Variants in EXOC4 observed in about 807,000 individuals in gnomAD.
The protein encoded by EXOC4 is exocyst complex component 4, also known as SEC8-like 1.
EXOC4 carries 71 observed loss-of-function variants against 107.2 expected under a neutral mutation model. The observed-to-expected ratio is 0.66, with a 90% confidence interval of 0.55 to 0.81. The LOEUF is 0.81. Ranked by LOEUF, EXOC4 falls within the 30% of genes least tolerant of loss-of-function variation. EXOC4 has a pLI of 0.00. For synonymous variants in EXOC4, 456 were observed against 441.2 expected (o/e 1.03, Z -0.42); for missense variants, 1,108 against 1,189.6 (o/e 0.93, Z 1.01).
At chr7:133,472,318 A>T (rs1298467483) in intron 7 of EXOC4, among the ~76,000 whole-genome samples, 2 of 152,210 alleles carry the variant, frequency 1.3e-5, no homozygotes, top group Non-Finnish European at 2.9e-5. Context: ...GGTGGCTGTC[A>T]AAATGGACAG....
intron 10 of EXOC4, among the ~76,000 whole-genome samples, chr7:133,711,556 G>A (rs1794893704): frequency 6.6e-6 from 1 of 152,184 alleles, no homozygotes; most frequent in Non-Finnish European, 1.5e-5. Flanking sequence ...GGGGAACTCA[G>A]ACTCTGTCAA....
At chr7:133,445,973 A>C (rs1798211184) in intron 7 of EXOC4, among the ~76,000 whole-genome samples, 1 of 151,638 alleles carries the variant, frequency 6.6e-6, no homozygotes, top group South Asian at 2.1e-4. Flanking sequence ...CCGAGATTAT[A>C]ATACTGCACT....
chr7:133,724,351 A>T (rs1795171554), intron 10 of EXOC4, among the ~76,000 whole-genome samples: 1 of 152,232 alleles, frequency 6.6e-6, no homozygotes, highest in African/African-American at 2.4e-5. Flanking sequence ...AGTGCAGCAA[A>T]GGCACATTCT....
chr7:133,539,714 G>C (rs996988177), intron 9 of EXOC4, among the ~76,000 whole-genome samples: 52 of 151,986 alleles, frequency 3.4e-4, no homozygotes, highest in African/African-American at 1.2e-3. Flanking sequence ...TTTAAGTATA[G>C]GAAAGGAAAT....
chr7:133,277,960 C>T (rs899199016), intron 2 of EXOC4, among the ~76,000 whole-genome samples: 11 of 152,076 alleles, frequency 7.2e-5, no homozygotes, highest in South Asian at 4.1e-4. Flanking sequence ...GATTCAGTAA[C>T]GATTGGGCTA....
rs565868082 is a variant in EXOC4 at position 133,645,177 on chromosome 7, C to T, written c.1514+15036C>T. ...CATGATCTCGGCTCACTGCAACCTC[C>T]GCCTCCCGGGTTCAAGTGATTCTCC... On this transcript the variant is annotated intron_variant, in intron 10 of 17. Transcript: ENST00000253861. Among the ~76,000 whole-genome samples, 133 of 151,364 alleles carry T rather than the reference C, an allele frequency of 8.8e-4. 3 individuals carry two copies. In the South Asian group the frequency reaches 0.025, roughly 28 times the overall value.
chr7:134,032,250 A>C (rs1795287214), intron 17 of EXOC4, among the ~76,000 whole-genome samples: 1 of 152,222 alleles, frequency 6.6e-6, no homozygotes, highest in Non-Finnish European at 1.5e-5. Flanking sequence ...ATTACACTAA[A>C]GCATTCAGTG....
chr7:133,854,981 A>G (rs1010742875), intron 11 of EXOC4, among the ~76,000 whole-genome samples: 1 of 145,432 alleles, frequency 6.9e-6, no homozygotes, highest in East Asian at 2.0e-4. Context: ...GCTGCCCTCT[A>G]GCTGATTATT....
At chr7:133,941,749 A>G (rs1800432826) in intron 14 of EXOC4, among the ~76,000 whole-genome samples, 2 of 151,864 alleles carry the variant, frequency 1.3e-5, no homozygotes, top group Admixed American at 6.6e-5. Context: ...CAGCAGATAA[A>G]TCAAAGGACT....
chr7:133,387,591 G>T (rs1477797083), intron 7 of EXOC4, among the ~76,000 whole-genome samples: 1 of 152,052 alleles, frequency 6.6e-6, no homozygotes, highest in Non-Finnish European at 1.5e-5. Flanking sequence ...ATTAAGAAGG[G>T]GGTTTTCTAG....
chr7:133,573,218 C>G (rs1034154386), intron 9 of EXOC4, among the ~76,000 whole-genome samples: 1 of 152,088 alleles, frequency 6.6e-6, no homozygotes, highest in Non-Finnish European at 1.5e-5. Flanking sequence ...GGATACTTAC[C>G]ACTTTATGTA....
At chr7:133,794,102 TTC>T (rs1796763239) in intron 10 of EXOC4, among the ~76,000 whole-genome samples, 2 of 152,176 alleles carry the variant, frequency 1.3e-5, no homozygotes, top group Admixed American at 1.3e-4. Context: ...GACCTTGAGC[TTC>T]TCCTCATATG....
the EXOC4 span, among the ~76,000 whole-genome samples, chr7:134,098,455 C>T: frequency 6.6e-6 from 1 of 152,088 alleles, no homozygotes; most frequent in African/African-American, 2.4e-5. Flanking sequence ...GTGCTATTTC[C>T]TAATCAAAAC....
intron 7 of EXOC4, among the ~76,000 whole-genome samples, chr7:133,383,076 C>T (rs748360908): frequency 2.1e-4 from 32 of 152,104 alleles, no homozygotes; most frequent in African/African-American, 1.2e-4. Context: ...TTTTGAGCAG[C>T]GGCAGTACCT....
At chr7:133,336,391 A>T (rs1001676293) in intron 5 of EXOC4, among the ~76,000 whole-genome samples, 9 of 152,236 alleles carry the variant, frequency 5.9e-5, no homozygotes, top group Non-Finnish European at 1.0e-4. Context: ...ATGCTCATAT[A>T]TAGTTTTATT....
intron 10 of EXOC4, among the ~76,000 whole-genome samples, chr7:133,803,012 G>T (rs2151197806): frequency 6.6e-6 from 1 of 152,212 alleles, no homozygotes; most frequent in Admixed American, 6.5e-5. Flanking sequence ...TTGAAGTAAT[G>T]AACTGAATAC....
At chr7:133,882,910 A>G (rs924609439) in intron 11 of EXOC4, among the ~76,000 whole-genome samples, 2 of 152,088 alleles carry the variant, frequency 1.3e-5, no homozygotes, top group Non-Finnish European at 2.9e-5. Flanking sequence ...ATAACTTTAA[A>G]TTTTTTTCTT....
chr7:133,388,940 A>G (rs1361926050), intron 7 of EXOC4, among the ~76,000 whole-genome samples: 2 of 152,146 alleles, frequency 1.3e-5, no homozygotes, highest in African/African-American at 4.8e-5. Context: ...GCTGATTGCT[A>G]GCGTCATTTG....
chr7:133,271,611 C>T (rs1033499437), intron 1 of EXOC4, among the ~76,000 whole-genome samples: 9 of 152,172 alleles, frequency 5.9e-5, no homozygotes, highest in African/African-American at 1.4e-4. Context: ...AGCTTAGATT[C>T]GGTTTTCGGA....
Sources: allele counts gnomAD v4.1 joint callset (sites outside exome capture counted in the v4.1 genomes callset), GRCh38; gene constraint gnomAD v4.1.1; transcripts MANE v1.5; gene names NCBI Gene and HGNC (gene_info 2026-07-23, HGNC 2026-07-21).